Variants in ARHGEF17 observed in about 807,000 individuals in gnomAD.
The protein encoded by ARHGEF17 is 164 kDa Rho-specific guanine-nucleotide exchange factor.
Under a neutral mutation model 174.0 loss-of-function variants are expected in ARHGEF17, and 80 were observed. That is an observed-to-expected ratio of 0.46 (90% CI 0.38 to 0.55). The LOEUF is 0.55. Ranked by LOEUF, ARHGEF17 falls within the 20% of genes least tolerant of loss-of-function variation. The pLI is 0.00. For synonymous variants in ARHGEF17, 1,311 were observed against 1,189.1 expected (o/e 1.10, Z -2.11); for missense variants, 2,886 against 2,839.7 (o/e 1.02, Z -0.37).
rs1270241618 is a variant in ARHGEF17 at position 73,310,001 on chromosome 11, A to G, written c.1363A>G (p.Lys455Glu). The change falls in exon 1 of 21, where the codon AAG becomes GAG. Residue 455 changes from lysine to glutamate, a missense_variant. By Grantham distance (56) the Lys-to-Glu change is moderately conservative. Around this residue, in one of 4 missense-constraint regions of ARHGEF17, gnomAD observed 1,728 missense variants for 1,461.2 expected, o/e 1.18. Coordinates refer to ENST00000263674, the MANE Select transcript of ARHGEF17 (RefSeq NM_014786.4). Reference sequence around the variant, plus strand: ...GAGGGATGGAGGATTTGAGCCTGAAAAGAGTCGACAGCGGAAGTCCCTGTC... The same window carrying G: ...GAGGGATGGAGGATTTGAGCCTGAAGAGAGTCGACAGCGGAAGTCCCTGTC... ...ALRDGGFEPEKSRQRKSLSNP... is the reference protein window; with the variant it reads ...ALRDGGFEPEESRQRKSLSNP... 2.5e-6 allele frequency: 4 copies of G among 1,613,948 alleles called. No homozygotes were observed. The African/African-American group carries it at 5.3e-5, about 22-fold the overall frequency.
chr11:73,314,774 G>A (rs1864901923), intron 1 of ARHGEF17, among the ~76,000 whole-genome samples: 1 of 152,080 alleles, frequency 6.6e-6, no homozygotes, highest in Non-Finnish European at 1.5e-5. Context: ...CTCCACTGAG[G>A]CCCACTGTAG....
intron 1 of ARHGEF17, among the ~76,000 whole-genome samples, chr11:73,332,350 CGTGT>C (rs58725771): frequency 0.038 from 4,530 of 120,520 alleles, 105 homozygotes; most frequent in South Asian, 0.06. Flanking sequence ...GCTTTTTCTC[CGTGT>C]GTGTGTGTGT....
intron 15 of ARHGEF17, 138 bp from the exon 16 acceptor site, chr11:73,363,609 G>A: frequency 6.7e-7 from 1 of 1,486,826 alleles, no homozygotes; most frequent in South Asian, 1.2e-5. Flanking sequence ...GACAATCCCA[G>A]GGAGGCTGTG....
chr11:73,345,132 C>T (rs139266953), intron 1 of ARHGEF17, among the ~76,000 whole-genome samples: 2,350 of 152,316 alleles, frequency 0.015, 24 homozygotes, highest in Middle Eastern at 0.041. Flanking sequence ...AAGTCTCCAT[C>T]CTACAGTGAG....
At position 73,355,634 on chromosome 11, in the gene ARHGEF17, T is replaced by C. The variant is rs751831799; in HGVS notation, c.3555T>C (p.Phe1185=). The change falls in exon 4 of 21, where the codon TTT becomes TTC. Residue 1185 remains phenylalanine (F), a synonymous_variant. Coordinates refer to ENST00000263674, the MANE Select transcript of ARHGEF17 (RefSeq NM_014786.4). ...VRVAKEARPA[F]LKFLEQSMRE... is the part of the protein sequence containing the mutation. Reference sequence around the variant, plus strand: ...TGGCCAAGGAGGCGAGGCCTGCCTTTCTCAAGTTCCTAGAGGTACTGTGGG... The same window carrying C: ...TGGCCAAGGAGGCGAGGCCTGCCTTCCTCAAGTTCCTAGAGGTACTGTGGG... 3 of 1,614,020 alleles carry C rather than the reference T, an allele frequency of 1.9e-6. No individual in the cohort carries two copies. The Admixed American group carries it at 5.0e-5, about 27-fold the overall frequency.
At chr11:73,354,584 T>C (rs552764970) in intron 3 of ARHGEF17, among the ~76,000 whole-genome samples, 10 of 152,162 alleles carry the variant, frequency 6.6e-5, no homozygotes, top group African/African-American at 1.9e-4. Flanking sequence ...CGTGGTGGCA[T>C]GCACCTGTAA....
At chr11:73,335,550 G>A (rs1264860333) in intron 1 of ARHGEF17, among the ~76,000 whole-genome samples, 2 of 151,802 alleles carry the variant, frequency 1.3e-5, no homozygotes, top group Non-Finnish European at 2.9e-5. Flanking sequence ...AGAAAGAAAG[G>A]GAAAAAACCC....
chr11:73,359,506 C>T (rs1258927846), intron 9 of ARHGEF17, among the ~76,000 whole-genome samples: 1 of 152,224 alleles, frequency 6.6e-6, no homozygotes, highest in Non-Finnish European at 1.5e-5. Flanking sequence ...GAGGCTGCAA[C>T]GCCGCAGCAG....
At chr11:73,325,492 A>G (rs904647722) in intron 1 of ARHGEF17, among the ~76,000 whole-genome samples, 2 of 152,114 alleles carry the variant, frequency 1.3e-5, no homozygotes, top group Non-Finnish European at 2.9e-5. Flanking sequence ...GCAAACCCCC[A>G]CCCATCTCAA....
chr11:73,352,869 C>T lies in ARHGEF17; in HGVS notation c.3310C>T (p.Leu1104Phe), dbSNP rs1328439657. ...QPLKQPENSV[L>F]CDPSLVDEIF... ...GCTGAAGCAGCCAGAGAACTCCGTG[C>T]TCTGTGACCCTTCACTGGTGGACGA... Residue 1104 changes from leucine (L) to phenylalanine (F), a missense_variant, in exon 3 of 21, where the codon CTC (leucine) becomes TTC (phenylalanine). By Grantham distance (22) the Leu-to-Phe change is conservative. Around this residue, in one of 4 missense-constraint regions of ARHGEF17, gnomAD observed 353 missense variants for 470.3 expected, o/e 0.75. Coordinates refer to ENST00000263674, the MANE Select transcript of ARHGEF17 (RefSeq NM_014786.4). The T allele has an allele frequency of 6.2e-7, 1 of 1,614,104 alleles. No homozygotes were observed. The highest frequency in any genetic ancestry group is 2.2e-5 in the East Asian group (1 of 44,878).
chr11:73,342,313 G>C (rs759127223), intron 1 of ARHGEF17, among the ~76,000 whole-genome samples: 2 of 152,106 alleles, frequency 1.3e-5, no homozygotes, highest in Non-Finnish European at 2.9e-5. Flanking sequence ...GATGATTCAA[G>C]GTGGGTGATT....
intron 1 of ARHGEF17, among the ~76,000 whole-genome samples, chr11:73,329,354 TA>T (rs869074448): frequency 0.18 from 7,562 of 41,302 alleles, 2,436 homozygotes; most frequent in Non-Finnish European, 0.23. Context: ...TATATATATA[TA>T]TATATATATA....
chr11:73,310,322 A>G lies in ARHGEF17; in HGVS notation c.1684A>G (p.Ser562Gly), dbSNP rs201562229. 1.2e-4 allele frequency: 193 copies of G among 1,613,686 alleles called. No individual in the cohort carries two copies. Among genetic ancestry groups the G allele is most frequent in the Non-Finnish European group, 1.5e-4 (178 of 1,179,996 alleles). ...CATGGCCCGCCGCCTGCCCCGCACC[A>G]GTGCTCTGAAGTCCAGCTCCTCCGA... ...KPMARRLPRT[S>G]ALKSSSSELL... Residue 562 changes from serine to glycine, a missense_variant, in exon 1 of 21, where the codon AGT becomes GGT. Around this residue, in one of 4 missense-constraint regions of ARHGEF17, gnomAD observed 1,728 missense variants for 1,461.2 expected, o/e 1.18. Transcript: ENST00000263674.
chr11:73,343,094 C>T (rs1865399963), intron 1 of ARHGEF17: 1 of 317,752 alleles, frequency 3.1e-6, no homozygotes, highest in East Asian at 5.1e-5. Flanking sequence ...CCCCCGCCCC[C>T]CGCCCCGCCG....
At position 73,310,284 on chromosome 11, in the gene ARHGEF17, G is replaced by T. The variant is rs1479139608; in HGVS notation, c.1646G>T (p.Cys549Phe). The change falls in exon 1 of 21, where the codon TGC becomes TTC. Residue 549 changes from cysteine (C) to phenylalanine (F), a missense_variant. Around this residue, in one of 4 missense-constraint regions of ARHGEF17, gnomAD observed 1,728 missense variants for 1,461.2 expected, o/e 1.18. Transcript: ENST00000263674. ...CTGCGGAGAGCAAAGTCATTCACCTGCTCTGAGAAGCCCATGGCCCGCCGC... is the reference window on the plus strand; with the variant it reads ...CTGCGGAGAGCAAAGTCATTCACCTTCTCTGAGAAGCCCATGGCCCGCCGC... Reference protein sequence around the residue: ...ATLRRAKSFTCSEKPMARRLP... With the variant: ...ATLRRAKSFTFSEKPMARRLP... 1.2e-6 allele frequency: 2 copies of T among 1,613,844 alleles called. No homozygotes were observed. Among genetic ancestry groups the T allele is most frequent in the African/African-American group, 1.3e-5 (1 of 74,938 alleles).
chr11:73,356,837 G>T (rs1865650656), intron 7 of ARHGEF17, 78 bp downstream of exon 7: 1 of 1,595,968 alleles, frequency 6.3e-7, no homozygotes. Flanking sequence ...CCCTCTACCT[G>T]CAGGTCTCCC....
At chr11:73,327,226 GC>G (rs2135793581) in intron 1 of ARHGEF17, among the ~76,000 whole-genome samples, 1 of 152,112 alleles carries the variant, frequency 6.6e-6, no homozygotes, top group South Asian at 2.1e-4. Context: ...AAGGACACAG[GC>G]CCTTTGAGGG....
intron 2 of ARHGEF17, among the ~76,000 whole-genome samples, chr11:73,348,254 G>A (rs1308089441): frequency 6.6e-6 from 1 of 152,132 alleles, no homozygotes; most frequent in East Asian, 1.9e-4. Flanking sequence ...CAAATCCACG[G>A]TGAGCCCCTT....
At chr11:73,356,054 C>T in intron 5 of ARHGEF17, 101 bp downstream of exon 5, 1 of 1,569,810 alleles carries the variant, frequency 6.4e-7, no homozygotes, top group South Asian at 1.1e-5. Context: ...CATCAGGGTC[C>T]CTAGGGGACA....
Sources: allele counts gnomAD v4.1 joint callset (sites outside exome capture counted in the v4.1 genomes callset), GRCh38; gene constraint gnomAD v4.1.1; regional missense constraint gnomAD v4.1.1; transcripts MANE v1.5; gene names NCBI Gene and HGNC (gene_info 2026-07-23, HGNC 2026-07-21).